EIF4E: variants seen among roughly 807,000 people sequenced by gnomAD.
EIF4E encodes the protein eukaryotic translation initiation factor 4E, also known as eIF-4F 25 kDa subunit.
For missense variants in EIF4E, 113 were observed against 265.6 expected (o/e 0.43, Z 3.99); for synonymous variants, 71 against 88.5 (o/e 0.80, Z 1.11).
chr4:98,899,725 A>G (rs1482588048), intron 2 of EIF4E, among the ~76,000 whole-genome samples: 1 of 152,190 alleles, frequency 6.6e-6, no homozygotes, highest in Non-Finnish European at 1.5e-5. Flanking sequence ...TAAAATATGC[A>G]CATACAAACA....
At chr4:98,907,583 A>C (rs921942922) in intron 1 of EIF4E, among the ~76,000 whole-genome samples, 2 of 152,178 alleles carry the variant, frequency 1.3e-5, no homozygotes, top group Non-Finnish European at 2.9e-5. Flanking sequence ...TTTTCCTCTC[A>C]TAACAGAAAA....
At chr4:98,893,090 A>G (rs181240080) in intron 2 of EIF4E, among the ~76,000 whole-genome samples, 31 of 152,332 alleles carry the variant, frequency 2.0e-4, no homozygotes, top group African/African-American at 7.2e-4. Flanking sequence ...CGGTGCATGT[A>G]AAAGTTACGT....
intron 1 of EIF4E, among the ~76,000 whole-genome samples, chr4:98,916,286 CAAAAA>C (rs11462325): frequency 9.3e-6 from 1 of 106,960 alleles, no homozygotes; most frequent in Non-Finnish European, 2.0e-5. Context: ...ATTCAGAGGA[CAAAAA>C]AAAAAAAAAA....
At chr4:98,909,518 C>T (rs1725015148) in intron 1 of EIF4E, 1 of 595,764 alleles carries the variant, frequency 1.7e-6, no homozygotes, top group Non-Finnish European at 3.0e-6. Context: ...ATGCAAAAAA[C>T]ACCCTGTACA....
chr4:98,918,938 A>C (rs28529446), intron 1 of EIF4E, among the ~76,000 whole-genome samples: 19,300 of 152,236 alleles, frequency 0.13, 1,367 homozygotes, highest in East Asian at 0.19. Flanking sequence ...GATCAGCTTC[A>C]GGAGACTGTG....
intron 2 of EIF4E, among the ~76,000 whole-genome samples, chr4:98,897,944 T>C (rs559887794): frequency 1.3e-5 from 2 of 152,350 alleles, no homozygotes; most frequent in South Asian, 2.1e-4. Context: ...CAGTGTATGA[T>C]GTTAAAAATC....
chr4:98,905,147 C>A (rs547017312), intron 1 of EIF4E, among the ~76,000 whole-genome samples: 56 of 151,766 alleles, frequency 3.7e-4, no homozygotes, highest in South Asian at 1.9e-3. Context: ...TCTCTCTACT[C>A]TCTTAGGCTA....
At chr4:98,914,320 G>A (rs1405965474) in intron 1 of EIF4E, among the ~76,000 whole-genome samples, 1 of 123,216 alleles carries the variant, frequency 8.1e-6, no homozygotes, top group Non-Finnish European at 1.6e-5. Flanking sequence ...CTGAGACCGT[G>A]CCACTGCACT....
chr4:98,888,524 T>C (rs1724015651), intron 3 of EIF4E, among the ~76,000 whole-genome samples: 4 of 152,046 alleles, frequency 2.6e-5, no homozygotes, highest in Admixed American at 2.6e-4. Context: ...TAAATAAATA[T>C]AGTTACAAGC....
intron 1 of EIF4E, among the ~76,000 whole-genome samples, chr4:98,927,654 CAAAAAAAAAAAAAAAA>C (rs774720176): frequency 8.6e-5 from 3 of 35,050 alleles, no homozygotes; most frequent in Admixed American, 4.1e-4. Context: ...GACTCCATCT[CAAAAAAAAAAAAAAAA>C]AAAAAAAAAA....
At chr4:98,884,167 T>C (rs1165866616) in intron 6 of EIF4E, among the ~76,000 whole-genome samples, 1 of 152,214 alleles carries the variant, frequency 6.6e-6, no homozygotes, top group African/African-American at 2.4e-5. Context: ...TAATGAAAAT[T>C]ATACGTAGTA....
Position 98,928,059 on chromosome 4 carries a change from A to T in EIF4E, c.18+1036T>A, listed in dbSNP as rs544968838. Among the ~76,000 whole-genome samples the T allele has an allele frequency of 1.6e-3, 249 of 152,364 alleles. 2 individuals carry two copies. Among genetic ancestry groups the T allele is most frequent in the Admixed American group, 2.5e-3 (39 of 15,306 alleles). ...TAAAGAGAAAAAAAAAGTCAAATGG[A>T]AAAGTAAATTTAAAAGTTTCTATTT... On this transcript the variant is annotated intron_variant, in intron 1 of 6. Coordinates refer to ENST00000450253, the MANE Select transcript of EIF4E (RefSeq NM_001968.5).
intron 1 of EIF4E, among the ~76,000 whole-genome samples, chr4:98,920,592 G>T (rs1725599281): frequency 6.6e-6 from 1 of 151,938 alleles, no homozygotes; most frequent in Admixed American, 6.6e-5. Context: ...ACTGTGCCTG[G>T]CCTGCATTTT....
At chr4:98,928,922 G>C in intron 1 of EIF4E, 173 bp downstream of exon 1, 1 of 1,571,136 alleles carries the variant, frequency 6.4e-7, no homozygotes, top group Non-Finnish European at 8.6e-7. Context: ...ACGCCGCCTC[G>C]GCCATCCTCC....
At chr4:98,883,837 T>C (rs1256331635) in intron 6 of EIF4E, among the ~76,000 whole-genome samples, 2 of 152,046 alleles carry the variant, frequency 1.3e-5, no homozygotes, top group Admixed American at 1.3e-4. Context: ...CAGGAGTTCA[T>C]GACCAGTCTG....
intron 2 of EIF4E, among the ~76,000 whole-genome samples, chr4:98,894,811 A>T (rs1468705211): frequency 6.6e-6 from 1 of 152,210 alleles, no homozygotes; most frequent in Non-Finnish European, 1.5e-5. Context: ...GGTACAACAG[A>T]CCTAGCTTTT....
At chr4:98,901,076 T>TAA (rs773074524) in intron 2 of EIF4E, among the ~76,000 whole-genome samples, 1 of 152,256 alleles carries the variant, frequency 6.6e-6, no homozygotes, top group Non-Finnish European at 1.5e-5. Context: ...CGGACTTTTT[T>TAA]AAAAGTGTTC....
At chr4:98,903,309 T>C in intron 1 of EIF4E, 1 of 407,568 alleles carries the variant, frequency 2.5e-6, no homozygotes, top group Non-Finnish European at 4.7e-6. Flanking sequence ...ATTTATTGTC[T>C]AAAAGAATGC....
At chr4:98,928,127 C>T (rs1251807599) in intron 1 of EIF4E, among the ~76,000 whole-genome samples, 2 of 152,176 alleles carry the variant, frequency 1.3e-5, no homozygotes, top group Non-Finnish European at 1.5e-5. Flanking sequence ...GATAAAGACT[C>T]GGAAGAACAG....
Sources: allele counts gnomAD v4.1 joint callset (sites outside exome capture counted in the v4.1 genomes callset), GRCh38; gene constraint gnomAD v4.1.1; transcripts MANE v1.5; gene names NCBI Gene and HGNC (gene_info 2026-07-23, HGNC 2026-07-21).